KCNH1: variants seen among roughly 807,000 people sequenced by gnomAD.
The protein encoded by KCNH1 is potassium voltage-gated channel subfamily H member 1.
KCNH1 carries 27 observed loss-of-function variants against 69.2 expected under a neutral mutation model. The ratio of observed to expected loss-of-function variants is 0.39; its 90% CI spans 0.29 to 0.54. The LOEUF (loss-of-function observed/expected upper bound fraction) is 0.54, where lower values mean the gene tolerates loss of function less well. KCNH1 is among the 20% of genes least tolerant of loss of function. The pLI is 0.68. For synonymous variants in KCNH1, 456 were observed against 487.7 expected, an observed-to-expected ratio of 0.93 and a Z score of 0.86; for missense variants, 798 against 1,261.6, an observed-to-expected ratio of 0.63 and a Z score of 5.57.
At chr1:210,687,300 C>T (rs966115813) in intron 10 of KCNH1, among the ~76,000 whole-genome samples, 1 of 152,196 alleles carries the variant, frequency 6.6e-6, no homozygotes, top group Admixed American at 6.5e-5. Flanking sequence ...CCCAGAGGCC[C>T]CATGGGTCAG....
At chr1:210,715,469 C>G (rs1188104550) in intron 10 of KCNH1, among the ~76,000 whole-genome samples, 2 of 151,524 alleles carry the variant, frequency 1.3e-5, no homozygotes, top group Non-Finnish European at 2.9e-5. Context: ...GAGTTCAAGA[C>G]CAGCCTGCAC....
chr1:211,022,802 T>C (rs1287333203), intron 5 of KCNH1, among the ~76,000 whole-genome samples: 1 of 151,966 alleles, frequency 6.6e-6, no homozygotes, highest in Non-Finnish European at 1.5e-5. Context: ...AAATGGCTAT[T>C]ATCAAAAAGA....
chr1:210,817,859 G>A (rs1297096587), intron 7 of KCNH1, among the ~76,000 whole-genome samples: 4 of 152,176 alleles, frequency 2.6e-5, no homozygotes, highest in Non-Finnish European at 5.9e-5. Context: ...AGCCTCAGCA[G>A]CATTGACATT....
At chr1:211,082,655 C>A (rs1553377915) in intron 5 of KCNH1, 125 bp downstream of exon 5, 1 of 746,972 alleles carries the variant, frequency 1.3e-6, no homozygotes, top group Non-Finnish European at 2.3e-6. Context: ...GTAAGCCCAG[C>A]CAAGACAGGC....
In KCNH1 at chr1:210,859,431, AT is replaced by A. The variant is rs987088496; in HGVS notation, c.1463-55266del. 2.7e-5 allele frequency: 44 copies of A among 1,608,332 alleles called. No homozygotes were observed. In the Middle Eastern group the frequency reaches 8.3e-4, roughly 30 times the overall value. On this transcript the variant is annotated intron_variant, in intron 7 of 10. Coordinates refer to ENST00000271751, the MANE Select transcript of KCNH1 (RefSeq NM_172362.3). The stretch of plus-strand genomic sequence containing the variant: ...ATACCTGATACTCATCAACAGGGTT[AT>A]CTTCATCATCAATGATTGTGGAATA...
At chr1:211,089,114 A>G (rs1308238762) in intron 4 of KCNH1, among the ~76,000 whole-genome samples, 4 of 152,232 alleles carry the variant, frequency 2.6e-5, no homozygotes, top group Non-Finnish European at 4.4e-5. Context: ...ACCAAATCAC[A>G]TAACTTAAGT....
chr1:210,775,931 C>T (rs1683850433), intron 9 of KCNH1, among the ~76,000 whole-genome samples: 1 of 152,170 alleles, frequency 6.6e-6, no homozygotes, highest in African/African-American at 2.4e-5. Flanking sequence ...TGTATCTCAA[C>T]TTGATAGCTC....
intron 9 of KCNH1, among the ~76,000 whole-genome samples, chr1:210,795,638 T>TTTTC (rs959335917): frequency 6.6e-6 from 1 of 152,136 alleles, no homozygotes; most frequent in Non-Finnish European, 1.5e-5. Flanking sequence ...GGGCTTTTCT[T>TTTTC]TTTCTTTCTT....
intron 9 of KCNH1, among the ~76,000 whole-genome samples, chr1:210,784,580 G>C (rs1410067485): frequency 6.6e-6 from 1 of 152,158 alleles, no homozygotes; most frequent in Non-Finnish European, 1.5e-5. Flanking sequence ...TGCTGAGGGG[G>C]CCTTGGCTGC....
chr1:210,725,826 T>C (rs889190096), intron 10 of KCNH1, among the ~76,000 whole-genome samples: 7 of 152,198 alleles, frequency 4.6e-5, no homozygotes, highest in South Asian at 2.1e-4. Context: ...GGCTGTGTTC[T>C]TTGTCAGGAA....
At chr1:211,026,925 T>C (rs1689694821) in intron 5 of KCNH1, among the ~76,000 whole-genome samples, 1 of 152,176 alleles carries the variant, frequency 6.6e-6, no homozygotes. Context: ...ATCTGTATGT[T>C]TACCCCAACC....
intron 7 of KCNH1, among the ~76,000 whole-genome samples, chr1:210,833,761 G>A (rs1349418637): frequency 6.6e-6 from 1 of 152,034 alleles, no homozygotes; most frequent in Admixed American, 6.6e-5. Context: ...CACAAAATGG[G>A]AGAAAATTTT....
chr1:210,862,474 T>G (rs1371389043), intron 7 of KCNH1, among the ~76,000 whole-genome samples: 1 of 152,214 alleles, frequency 6.6e-6, no homozygotes, highest in African/African-American at 2.4e-5. Flanking sequence ...TAGCTGGGAC[T>G]GCAGGCTCAC....
rs745509800 is a variant in KCNH1, at chr1:211,103,594, T to C, written c.212A>G (p.Tyr71Cys). ...MQKSSTCSFM[Y>C]GELTDKDTIE... Reference sequence around the variant, plus strand: ...CGTGTCTTTATCAGTCAGCTCCCCATACATAAAACTGCAAACAACCAAAGA... The same window carrying C: ...CGTGTCTTTATCAGTCAGCTCCCCACACATAAAACTGCAAACAACCAAAGA... The change falls in exon 3 of 11, where the codon TAT (tyrosine) becomes TGT (cysteine). Residue 71 changes from tyrosine to cysteine, a missense_variant. Physicochemically the swap from Tyr to Cys is radical, Grantham distance 194 (BLOSUM62 -2). Coordinates refer to ENST00000271751, the MANE Select transcript of KCNH1 (RefSeq NM_172362.3). 1 of 1,606,690 alleles carries C rather than the reference T, an allele frequency of 6.2e-7. No individual in the cohort carries two copies.
At chr1:210,728,645 G>A (rs1007862966) in intron 10 of KCNH1, among the ~76,000 whole-genome samples, 1 of 152,176 alleles carries the variant, frequency 6.6e-6, no homozygotes, top group Admixed American at 6.5e-5. Context: ...ACACACACGT[G>A]CTTACACACA....
chr1:211,003,554 C>T (rs1204712644), intron 6 of KCNH1, among the ~76,000 whole-genome samples: 1 of 152,022 alleles, frequency 6.6e-6, no homozygotes, highest in Non-Finnish European at 1.5e-5. Context: ...TATATCTTAC[C>T]CAATGCATTA....
chr1:210,793,439 T>G (rs1684248209), intron 9 of KCNH1, among the ~76,000 whole-genome samples: 1 of 152,254 alleles, frequency 6.6e-6, no homozygotes, highest in African/African-American at 2.4e-5. Flanking sequence ...GTATATGTAT[T>G]CATTTGCAAT....
chr1:211,127,221 G>C (rs1412027017), intron 1 of KCNH1, among the ~76,000 whole-genome samples: 1 of 152,070 alleles, frequency 6.6e-6, no homozygotes, highest in African/African-American at 2.4e-5. Context: ...TTTGCTTTTT[G>C]TTTTAATTTT....
At chr1:210,954,151 C>G (rs541834674) in intron 6 of KCNH1, among the ~76,000 whole-genome samples, 2 of 151,742 alleles carry the variant, frequency 1.3e-5, no homozygotes, top group Non-Finnish European at 2.9e-5. Context: ...TGAGAACATG[C>G]GGTGTTTGGT....
Sources: gnomAD v4.1 joint callset for allele counts (sites outside exome capture counted in the v4.1 genomes callset) on GRCh38, gnomAD v4.1.1 for gene constraint, MANE v1.5 for transcripts, NCBI Gene and HGNC (gene_info 2026-07-23, HGNC 2026-07-21) for gene names.